CFAP96: variants seen among roughly 807,000 people sequenced by gnomAD.
CFAP96 encodes the protein cilia and flagella associated protein 96.
chr4:185,413,904 A>G, the CFAP96 span: 1 of 1,556,236 alleles, frequency 6.4e-7, no homozygotes, highest in East Asian at 2.3e-5. Context: ...AGAAAAAGAA[A>G]AAATGTTGGT....
At chr4:185,426,644 C>G in the CFAP96 span, among the ~76,000 whole-genome samples, 1 of 152,206 alleles carries the variant, frequency 6.6e-6, no homozygotes, top group Non-Finnish European at 1.5e-5. Flanking sequence ...AAATCTGTTT[C>G]TAGTTTCTAC....
the CFAP96 span, among the ~76,000 whole-genome samples, chr4:185,422,261 CTT>C: frequency 6.6e-6 from 1 of 152,200 alleles, no homozygotes; most frequent in Non-Finnish European, 1.5e-5. Flanking sequence ...AGTAAAGTCT[CTT>C]AAGAAAGGGA....
chr4:185,431,233 CAG>C, the CFAP96 span, among the ~76,000 whole-genome samples: 1 of 142,180 alleles, frequency 7.0e-6, no homozygotes, highest in Non-Finnish European at 1.5e-5. Context: ...AAAAAAAAGT[CAG>C]TGATACAGAT....
At chr4:185,435,526 G>C in the CFAP96 span, among the ~76,000 whole-genome samples, 1 of 152,176 alleles carries the variant, frequency 6.6e-6, no homozygotes, top group African/African-American at 2.4e-5. Flanking sequence ...TAGATACTGT[G>C]TGCCCAGAAA....
At chr4:185,439,438 C>T in the CFAP96 span, among the ~76,000 whole-genome samples, 1 of 151,980 alleles carries the variant, frequency 6.6e-6, no homozygotes, top group East Asian at 1.9e-4. Flanking sequence ...TTCCTAGTAG[C>T]GAAAGTTAGT....
chr4:185,443,108 T>C, the CFAP96 span, among the ~76,000 whole-genome samples: 1 of 151,828 alleles, frequency 6.6e-6, no homozygotes, highest in Non-Finnish European at 1.5e-5. Context: ...TATCAGCTTT[T>C]TGAAGACTTG....
the CFAP96 span, chr4:185,432,187 T>G: frequency 2.6e-6 from 4 of 1,551,200 alleles, no homozygotes; most frequent in Non-Finnish European, 3.5e-6. Context: ...TCCCTAGTAA[T>G]GGAGAGAAAA....
chr4:185,444,924 T>C, the CFAP96 span: 2 of 1,528,634 alleles, frequency 1.3e-6, no homozygotes, highest in East Asian at 2.5e-5. Flanking sequence ...GTAGAGGCAT[T>C]TTACAAAATC....
the CFAP96 span, among the ~76,000 whole-genome samples, chr4:185,412,857 A>T: frequency 9.2e-5 from 14 of 152,220 alleles, no homozygotes; most frequent in African/African-American, 3.4e-4. Context: ...TGGATGCCTT[A>T]TAAGGTCCTT....
the CFAP96 span, among the ~76,000 whole-genome samples, chr4:185,439,962 CAT>C: frequency 1.4e-5 from 2 of 144,710 alleles, no homozygotes; most frequent in African/African-American, 2.5e-5. Context: ...ATGATATATA[CAT>C]ATATGTATAT....
chr4:185,409,018 T>C, the CFAP96 span, among the ~76,000 whole-genome samples: 247 of 152,326 alleles, frequency 1.6e-3, 1 homozygote, highest in African/African-American at 5.6e-3. Flanking sequence ...TACACTAATA[T>C]GTGAGCTCAG....
chr4:185,428,407 C>G, the CFAP96 span, among the ~76,000 whole-genome samples: 1 of 151,824 alleles, frequency 6.6e-6, no homozygotes, highest in Non-Finnish European at 1.5e-5. Flanking sequence ...AACCCTGTCT[C>G]TACTAAAAAT....
At chr4:185,442,552 T>C in the CFAP96 span, among the ~76,000 whole-genome samples, 81 of 152,290 alleles carry the variant, frequency 5.3e-4, no homozygotes, top group South Asian at 2.5e-3. Flanking sequence ...TGACTTTCTT[T>C]TGCTTTGCAG....
chr4:185,442,083 CTATT>C, the CFAP96 span, among the ~76,000 whole-genome samples: 4 of 151,978 alleles, frequency 2.6e-5, no homozygotes, highest in Admixed American at 2.0e-4. Context: ...TTTGACTCAT[CTATT>C]TGTTTATTTC....
chr4:185,426,119 G>A, the CFAP96 span: 1 of 568,126 alleles, frequency 1.8e-6, no homozygotes, highest in Non-Finnish European at 3.2e-6. Context: ...TCCTACAGAA[G>A]CTCACACATC....
chr4:185,412,726 C>T, the CFAP96 span, among the ~76,000 whole-genome samples: 2 of 152,146 alleles, frequency 1.3e-5, no homozygotes, highest in East Asian at 1.9e-4. Context: ...CACAAGCATA[C>T]ACAGAAAGCA....
At chr4:185,419,154 T>C in the CFAP96 span, among the ~76,000 whole-genome samples, 4,059 of 152,080 alleles carry the variant, frequency 0.027, 86 homozygotes, top group Middle Eastern at 0.071. Flanking sequence ...TTTTTTGAGA[T>C]GGAGTCTCGC....
At chr4:185,413,678 A>G in the CFAP96 span, 6 of 1,549,034 alleles carry the variant, frequency 3.9e-6, no homozygotes, top group Non-Finnish European at 5.2e-6. Context: ...AAAACAACTA[A>G]TAACATTACT....
the CFAP96 span, among the ~76,000 whole-genome samples, chr4:185,439,739 A>AATATATACATATCTC: frequency 1.3e-5 from 2 of 149,386 alleles, no homozygotes; most frequent in African/African-American, 4.9e-5. Context: ...TGTAATATAT[A>AATATATACATATCTC]ATATATACAT....
Sources: allele counts gnomAD v4.1 joint callset (sites outside exome capture counted in the v4.1 genomes callset), GRCh38; gene constraint gnomAD v4.1.1; transcripts MANE v1.5; gene names NCBI Gene and HGNC (gene_info 2026-07-23, HGNC 2026-07-21).